UNKL: variants seen among roughly 807,000 people sequenced by gnomAD.
The protein encoded by UNKL is unk like zinc finger.
A neutral mutation model predicts 78.0 loss-of-function variants in UNKL; 60 were observed. That is an observed-to-expected ratio of 0.77 (90% CI 0.63 to 0.95). UNKL has a LOEUF of 0.95. UNKL is among the 40% of genes least tolerant of loss of function. The pLI is 0.00. For synonymous variants in UNKL, 608 were observed against 474.8 expected, an observed-to-expected ratio of 1.28 and a Z score of -3.65; for missense variants, 1,159 against 1,045.7, an observed-to-expected ratio of 1.11 and a Z score of -1.49.
In UNKL at chr16:1,370,321, A is replaced by T; in HGVS notation, c.1394T>A (p.Ile465Asn). The T allele has an allele frequency of 1.3e-6, 2 of 1,532,780 alleles. No individual in the cohort carries two copies. Among genetic ancestry groups the T allele is most frequent in the Non-Finnish European group, 1.7e-6 (2 of 1,145,724 alleles). 94.9% of individuals were successfully genotyped at this position (1,532,780 alleles called of 1,614,324 possible). Reference sequence around the variant, plus strand: ...TGGTGCTCTGGGCAGGGAGCCGGGGATGGCGACAGGTGCAGAGCCGGCCAG... The same window carrying T: ...TGGTGCTCTGGGCAGGGAGCCGGGGTTGGCGACAGGTGCAGAGCCGGCCAG... ...RSLAGSAPVAIPGSLPRAPSL... is the reference protein window; with the variant it reads ...RSLAGSAPVANPGSLPRAPSL... The change falls in exon 12 of 15, where the codon ATC becomes AAC. Residue 465 changes from isoleucine to asparagine, a missense_variant. Physicochemically the swap from Ile to Asn is moderately radical, Grantham distance 149. Coordinates refer to ENST00000389221, the MANE Select transcript of UNKL (RefSeq NM_001372107.1).
intron 10 of UNKL, chr16:1,383,745 C>T (rs1267562585): frequency 4.8e-6 from 2 of 415,466 alleles, no homozygotes. Flanking sequence ...GGCCGCCGCC[C>T]ACATTGACGC....
At chr16:1,397,107 A>G in intron 6 of UNKL, 71 bp downstream of exon 6, 1 of 1,478,704 alleles carries the variant, frequency 6.8e-7, no homozygotes, top group African/African-American at 1.4e-5. Context: ...TGTGATAACC[A>G]CGCTGTGAAC....
At chr16:1,375,377 C>T (rs886957917) in intron 10 of UNKL, among the ~76,000 whole-genome samples, 9 of 152,192 alleles carry the variant, frequency 5.9e-5, no homozygotes, top group African/African-American at 2.2e-4. Flanking sequence ...GCCACCCCCA[C>T]CCCACTCCAC....
chr16:1,371,653 T>G, intron 10 of UNKL, 42 bp from the exon 11 acceptor site: 2 of 1,528,862 alleles, frequency 1.3e-6, no homozygotes, highest in Non-Finnish European at 1.8e-6. Context: ...CACCCAGCGC[T>G]GCAGAGCTCA....
chr16:1,409,163 C>T (rs1006676747), intron 2 of UNKL, among the ~76,000 whole-genome samples: 30 of 152,180 alleles, frequency 2.0e-4, no homozygotes, highest in East Asian at 1.9e-4. Context: ...CTGCCCGCCT[C>T]GGCCTCCCAA....
rs2037414916 is a variant in UNKL at position 1,399,395 on chromosome 16, T to C, written c.713A>G (p.Asn238Ser). 1 of 1,600,028 alleles carries C rather than the reference T, an allele frequency of 6.2e-7. No individual in the cohort carries two copies. Among genetic ancestry groups the C allele is most frequent in the South Asian group, 1.1e-5 (1 of 89,952 alleles). ...HYHNSRDRRR[N>S]PRRFQYRSTP... ...TCACCTGTACTGGAACCGCCGGGGG[T>C]TGCGCCGCCTGTCCCGGCTATTGTG... is the stretch of plus-strand genomic sequence containing the variant. Residue 238 changes from asparagine to serine, a missense_variant, in exon 5 of 15, where the codon AAC becomes AGC. Coordinates refer to ENST00000389221, the MANE Select transcript of UNKL (RefSeq NM_001372107.1). This position sits in a 1 kb window ranked among gnomAD's most constrained non-coding sequence, Gnocchi z 5.8.
intron 7 of UNKL, among the ~76,000 whole-genome samples, chr16:1,393,197 G>C (rs1418211624): frequency 6.6e-6 from 1 of 152,238 alleles, no homozygotes; most frequent in East Asian, 1.9e-4. Context: ...TAAAAGCAAT[G>C]TTTAAAACGT....
chr16:1,414,298 G>A (rs1399424927), intron 1 of UNKL, among the ~76,000 whole-genome samples: 3 of 151,926 alleles, frequency 2.0e-5, no homozygotes, highest in Non-Finnish European at 4.4e-5. Flanking sequence ...GACCCTGGGC[G>A]ACCCGCTGTG....
At chr16:1,412,760 A>G (rs1163433605) in intron 2 of UNKL, among the ~76,000 whole-genome samples, 1 of 152,204 alleles carries the variant, frequency 6.6e-6, no homozygotes. Context: ...GACCACTACA[A>G]AACGCTTCAA....
intron 8 of UNKL, among the ~76,000 whole-genome samples, chr16:1,391,151 A>C (rs924540307): frequency 8.3e-6 from 1 of 120,428 alleles, no homozygotes; most frequent in Admixed American, 9.9e-5. Context: ...CTCTGTCTCC[A>C]AAAAAAAATA....
intron 10 of UNKL, chr16:1,379,471 T>C: frequency 1.0e-6 from 1 of 984,878 alleles, no homozygotes; most frequent in African/African-American, 1.7e-5. Context: ...GCTCCGGGCC[T>C]CTGAGAAGCC....
intron 10 of UNKL, among the ~76,000 whole-genome samples, chr16:1,381,403 T>C (rs2036601362): frequency 6.6e-6 from 1 of 152,220 alleles, no homozygotes; most frequent in South Asian, 2.1e-4. Flanking sequence ...GCGGATCACC[T>C]GAGGTCAGGA....
chr16:1,368,081 A>C (rs2035458077), intron 12 of UNKL: 3 of 479,384 alleles, frequency 6.3e-6, no homozygotes, highest in South Asian at 7.3e-5. Flanking sequence ...CGGTCTCCCC[A>C]CCAGATCTAC....
intron 2 of UNKL, chr16:1,412,298 T>G: frequency 6.6e-6 from 1 of 152,196 alleles, no homozygotes; most frequent in East Asian, 1.9e-4. Flanking sequence ...AACAAAACCT[T>G]GATTTCTTAA....
chr16:1,397,163 G>C lies in UNKL; in HGVS notation c.852+15C>G. The stretch of plus-strand genomic sequence containing the variant: ...TTCCAGCGACCCCTACGCCTGGGGG[G>C]TTGGAGGGACGTACCTCGGGATGGA... On this transcript the variant is annotated intron_variant, in intron 6 of 14. Transcript: ENST00000389221. 6.5e-7 allele frequency: 1 copy of C among 1,546,784 alleles called. No homozygotes were observed. The highest frequency in any genetic ancestry group is 1.2e-5 in the South Asian group (1 of 83,978).
chr16:1,372,132 C>T (rs906841219), intron 10 of UNKL, among the ~76,000 whole-genome samples: 11 of 151,658 alleles, frequency 7.3e-5, no homozygotes, highest in South Asian at 4.2e-4. Flanking sequence ...GGCGTGGTGG[C>T]GGGTGCCTGT....
intron 2 of UNKL, among the ~76,000 whole-genome samples, chr16:1,411,365 T>TAAATA (rs1235101800): frequency 6.7e-6 from 1 of 149,134 alleles, no homozygotes; most frequent in Non-Finnish European, 1.5e-5. Context: ...AACAAAATAA[T>TAAATA]AAATAAAATA....
At chr16:1,380,817 G>A (rs1441558589) in intron 10 of UNKL, among the ~76,000 whole-genome samples, 1 of 151,922 alleles carries the variant, frequency 6.6e-6, no homozygotes, top group Non-Finnish European at 1.5e-5. Context: ...TGGGATTACA[G>A]GAGCAAGCCA....
intron 6 of UNKL, among the ~76,000 whole-genome samples, chr16:1,396,481 G>C (rs1242481738): frequency 6.7e-6 from 1 of 148,970 alleles, no homozygotes; most frequent in East Asian, 2.0e-4. Flanking sequence ...CAGACATGTT[G>C]ACCAGGCTGG....
Sources: gnomAD v4.1 joint callset for allele counts (sites outside exome capture counted in the v4.1 genomes callset) on GRCh38, gnomAD v4.1.1 for gene constraint, Gnocchi (gnomAD v3.1) non-coding constraint, MANE v1.5 for transcripts, NCBI Gene and HGNC (gene_info 2026-07-23, HGNC 2026-07-21) for gene names.